The following DPY19L1 variants were observed in gnomAD, a reference collection of about 807,000 sequenced individuals.
The protein encoded by DPY19L1 is dpy-19 like C-mannosyltransferase 1.
Under a neutral mutation model 96.9 loss-of-function variants are expected in DPY19L1, and 35 were observed. That is an observed-to-expected ratio of 0.36 (90% CI 0.28 to 0.48). DPY19L1 has a LOEUF of 0.48. Ranked by LOEUF, DPY19L1 falls within the 20% of genes least tolerant of loss-of-function variation. The probability of loss-of-function intolerance (pLI) is 0.99; values close to 1 mark genes in which losing one functional copy is unlikely to be tolerated. For synonymous variants in DPY19L1, 205 were observed against 252.6 expected (o/e 0.81, Z 1.79); for missense variants, 521 against 777.9 (o/e 0.67, Z 3.93).
At chr7:34,957,350 A>T (rs1265623754) in intron 11 of DPY19L1, among the ~76,000 whole-genome samples, 1 of 152,098 alleles carries the variant, frequency 6.6e-6, no homozygotes, top group Non-Finnish European at 1.5e-5. Flanking sequence ...ACTCCAGCGT[A>T]GGCAACAAGA....
intron 8 of DPY19L1, among the ~76,000 whole-genome samples, chr7:34,973,242 G>A (rs1181724134): frequency 6.6e-6 from 1 of 151,698 alleles, no homozygotes; most frequent in Non-Finnish European, 1.5e-5. Context: ...AACAGAAGAA[G>A]ACTTGAGAAA....
chr7:34,968,768 CAAAAAAAA>C (rs35977506), intron 9 of DPY19L1, among the ~76,000 whole-genome samples: 3 of 8,886 alleles, frequency 3.4e-4, no homozygotes, highest in East Asian at 7.0e-3. Context: ...GACTCCATCG[CAAAAAAAA>C]AAAAAAAAAA....
intron 6 of DPY19L1, among the ~76,000 whole-genome samples, chr7:35,001,991 G>A (rs1785436983): frequency 6.6e-6 from 1 of 151,918 alleles, no homozygotes; most frequent in South Asian, 2.1e-4. Flanking sequence ...TGGGTGTGGT[G>A]GTGCGTGCCT....
chr7:34,949,731 G>T, intron 14 of DPY19L1, 66 bp downstream of exon 14: 2 of 971,648 alleles, frequency 2.1e-6, no homozygotes, highest in Non-Finnish European at 3.2e-6. Flanking sequence ...GATATAAGAG[G>T]AGCACTCCTT....
At chr7:34,945,863 CTT>C (rs1166355411) in intron 15 of DPY19L1, 147 bp from the exon 16 acceptor site, 3 of 646,018 alleles carry the variant, frequency 4.6e-6, no homozygotes, top group Non-Finnish European at 8.2e-6. Context: ...ACAACATAAT[CTT>C]ATATTTGTAT....
At chr7:34,970,478 T>C (rs544683599) in intron 8 of DPY19L1, among the ~76,000 whole-genome samples, 4 of 152,170 alleles carry the variant, frequency 2.6e-5, no homozygotes, top group African/African-American at 9.7e-5. Flanking sequence ...TATGACTATA[T>C]CCTACTTACG....
chr7:35,002,830 A>C (rs1362018312), intron 6 of DPY19L1, among the ~76,000 whole-genome samples: 1 of 152,182 alleles, frequency 6.6e-6, no homozygotes, highest in Non-Finnish European at 1.5e-5. Context: ...GTGCAGTGGC[A>C]CAATCTTGGC....
rs1289719667 is a variant in DPY19L1, at chr7:34,940,161, G to C, written c.1856C>G (p.Thr619Ser). 1 of 1,511,286 alleles carries C rather than the reference G, an allele frequency of 6.6e-7. No homozygotes were observed. The highest frequency in any genetic ancestry group is 1.4e-5 in the African/African-American group (1 of 69,616). 93.6% of individuals were successfully genotyped at this position (1,511,286 alleles called of 1,614,324 possible). A position where few individuals can be genotyped will look rare whatever the true frequency, so the allele number is the denominator to read the frequency against. Residue 619 changes from threonine to serine, a missense_variant, in exon 19 of 22, where the codon ACT becomes AGT. Physicochemically the swap from Thr to Ser is moderately conservative, Grantham distance 58. Coordinates refer to ENST00000638088, the MANE Select transcript of DPY19L1 (RefSeq NM_001366673.1). ...CTTTTTTTTTTTTTTACCTGGTTTA[G>C]TACTATATTTGATCCATTCTATAAG... ...EELIEWIKYSTKPDAVFAGAM... is the reference protein window; with the variant it reads ...EELIEWIKYSSKPDAVFAGAM...
intron 6 of DPY19L1, among the ~76,000 whole-genome samples, chr7:34,993,762 A>G (rs892922004): frequency 4.6e-5 from 7 of 152,060 alleles, no homozygotes; most frequent in African/African-American, 1.7e-4. Context: ...GTATTCCTTT[A>G]AATAAAAATG....
intron 9 of DPY19L1, among the ~76,000 whole-genome samples, chr7:34,967,827 T>C (rs1257546224): frequency 6.6e-6 from 1 of 152,230 alleles, no homozygotes; most frequent in Non-Finnish European, 1.5e-5. Flanking sequence ...AACAAATTTT[T>C]CCATTAGTGA....
intron 6 of DPY19L1, among the ~76,000 whole-genome samples, chr7:35,008,889 C>G (rs535144294): frequency 6.6e-6 from 1 of 152,280 alleles, no homozygotes; most frequent in African/African-American, 2.4e-5. Context: ...TGGCTCATTA[C>G]GATGCAAGCA....
chr7:34,959,901 A>ATATATATATATATATATATATT (rs1784457911), intron 10 of DPY19L1, among the ~76,000 whole-genome samples: 2 of 16,364 alleles, frequency 1.2e-4, no homozygotes, highest in Non-Finnish European at 2.0e-4. Context: ...GTATATAAAT[A>ATATATATATATATATATATATT]TATATATATA....
chr7:34,950,368 G>A (rs1366844584), intron 13 of DPY19L1, among the ~76,000 whole-genome samples: 2 of 152,148 alleles, frequency 1.3e-5, no homozygotes, highest in African/African-American at 4.8e-5. Flanking sequence ...GGAATAAAAG[G>A]TACTTCTTGA....
At chr7:34,973,410 C>A (rs1011989831) in intron 8 of DPY19L1, 104 bp downstream of exon 8, 2 of 587,626 alleles carry the variant, frequency 3.4e-6, no homozygotes, top group African/African-American at 1.9e-5. Context: ...ATAACAGCAT[C>A]ATATTGGTTA....
chr7:34,941,989 A>C (rs1034538082), intron 17 of DPY19L1, 105 bp from the exon 18 acceptor site: 3 of 1,187,418 alleles, frequency 2.5e-6, no homozygotes, highest in Non-Finnish European at 3.5e-6. Context: ...GTAACAAAAA[A>C]TACTACTAAG....
At chr7:34,998,782 T>C (rs1343263652) in intron 6 of DPY19L1, among the ~76,000 whole-genome samples, 1 of 152,116 alleles carries the variant, frequency 6.6e-6, no homozygotes, top group Non-Finnish European at 1.5e-5. Context: ...AATGTCAAGC[T>C]AGGAATCAGC....
Position 35,017,978 on chromosome 7 carries a change from A to G in DPY19L1, c.324-9T>C. On this transcript the variant is annotated splice_polypyrimidine_tract_variant and intron_variant, in intron 2 of 21. Transcript: ENST00000638088. ...GGTGTGTTATATGGCTCCTGGAAAA[A>G]CAAAACAAAGCAATAGTGTTAAAAC... 6.3e-7 allele frequency: 1 copy of G among 1,589,768 alleles called. No homozygotes were observed.
intron 6 of DPY19L1, among the ~76,000 whole-genome samples, chr7:34,990,380 A>G (rs1293381303): frequency 1.3e-5 from 2 of 152,206 alleles, no homozygotes; most frequent in African/African-American, 4.8e-5. Context: ...CCATGGTCAT[A>G]AGGATGGAAA....
At chr7:34,978,721 C>G (rs1241125532) in intron 7 of DPY19L1, among the ~76,000 whole-genome samples, 1 of 151,998 alleles carries the variant, frequency 6.6e-6, no homozygotes, top group Non-Finnish European at 1.5e-5. Context: ...ATCCTGGGAC[C>G]AGAAGTGTTT....
Sources: gnomAD v4.1 joint callset for allele counts (sites outside exome capture counted in the v4.1 genomes callset) on GRCh38, gnomAD v4.1.1 for gene constraint, MANE v1.5 for transcripts, NCBI Gene and HGNC (gene_info 2026-07-23, HGNC 2026-07-21) for gene names.